Variants in TATDN1 observed in about 807,000 individuals in gnomAD.
The protein encoded by TATDN1 is deoxyribonuclease TATDN1.
TATDN1 carries 40 observed loss-of-function variants against 46.4 expected under a neutral mutation model. The observed-to-expected ratio is 0.86, with a 90% CI of 0.67 to 1.12. The LOEUF (loss-of-function observed/expected upper bound fraction) is 1.12. Ranked by LOEUF, TATDN1 falls within the 50% of genes most tolerant of loss-of-function variation. TATDN1 has a pLI of 0.00. For synonymous variants in TATDN1, 95 were observed against 105.6 expected, an observed-to-expected ratio of 0.90 and a Z score of 0.62; for missense variants, 326 against 348.4, an observed-to-expected ratio of 0.94 and a Z score of 0.51.
intron 1 of TATDN1, 178 bp downstream of exon 1, chr8:124,538,847 C>T (rs982621555): frequency 4.4e-6 from 3 of 678,420 alleles, no homozygotes; most frequent in African/African-American, 1.8e-5. Flanking sequence ...AATCCAGAAC[C>T]TAGATCAAGA....
Position 124,515,874 on chromosome 8 carries a change from G to C in TATDN1, c.346+13C>G. The C allele has an allele frequency of 6.2e-7, 1 of 1,613,938 alleles. No homozygotes were observed. The highest frequency in any genetic ancestry group is 8.5e-7 in the Non-Finnish European group (1 of 1,179,958). ...CAAACAATGTCACTCTAAGAGGCGA[G>C]GCTGGCACTCACCAAGTCCGCATTC... is the stretch of plus-strand genomic sequence containing the variant. On this transcript the variant is annotated intron_variant, in intron 5 of 11. Transcript: ENST00000276692.
At chr8:124,512,773 G>T (rs1390075451) in intron 6 of TATDN1, among the ~76,000 whole-genome samples, 1 of 152,052 alleles carries the variant, frequency 6.6e-6, no homozygotes, top group African/African-American at 2.4e-5. Context: ...TGTACAACAT[G>T]GTAAGTGCTG....
chr8:124,520,122 A>T (rs1819895633), intron 3 of TATDN1, among the ~76,000 whole-genome samples: 1 of 152,244 alleles, frequency 6.6e-6, no homozygotes, highest in South Asian at 2.1e-4. Context: ...GCCATAATTA[A>T]ATCCTTGACT....
At chr8:124,493,326 C>T (rs1452783784) in intron 11 of TATDN1, among the ~76,000 whole-genome samples, 1 of 152,146 alleles carries the variant, frequency 6.6e-6, no homozygotes, top group African/African-American at 2.4e-5. Flanking sequence ...AATGATATAA[C>T]CACCTTCTCC....
chr8:124,499,327 C>A (rs1448960391), intron 9 of TATDN1, among the ~76,000 whole-genome samples: 3 of 152,078 alleles, frequency 2.0e-5, no homozygotes, highest in Non-Finnish European at 4.4e-5. Context: ...ATATTTAGAA[C>A]TTTTCACTAA....
chr8:124,503,794 G>T (rs376959373), intron 9 of TATDN1: 5 of 640,280 alleles, frequency 7.8e-6, no homozygotes, highest in East Asian at 1.3e-4. Context: ...ATCACAGAGT[G>T]AGAAGCCAGA....
At chr8:124,521,187 G>C (rs1820016329) in intron 3 of TATDN1, among the ~76,000 whole-genome samples, 1 of 152,144 alleles carries the variant, frequency 6.6e-6, no homozygotes, top group Admixed American at 6.5e-5. Flanking sequence ...AAATGAAGTA[G>C]GGGCTGGATA....
At chr8:124,500,763 A>C (rs2131379223) in intron 9 of TATDN1, among the ~76,000 whole-genome samples, 1 of 152,090 alleles carries the variant, frequency 6.6e-6, no homozygotes, top group Admixed American at 6.5e-5. Flanking sequence ...TAAAAAAAAA[A>C]AAACAAAACC....
chr8:124,515,279 G>A (rs1272444707), intron 6 of TATDN1, among the ~76,000 whole-genome samples: 1 of 152,144 alleles, frequency 6.6e-6, no homozygotes, highest in East Asian at 1.9e-4. Context: ...TACTCGGGAG[G>A]CTGAGGCAGG....
At chr8:124,503,857 T>C (rs1049660303) in intron 9 of TATDN1, 6 of 1,261,110 alleles carry the variant, frequency 4.8e-6, no homozygotes, top group Non-Finnish European at 6.2e-6. Context: ...CTAATTTCTT[T>C]GAGCCTCGGT....
chr8:124,538,150 T>C (rs997459400), intron 1 of TATDN1, among the ~76,000 whole-genome samples: 4 of 152,162 alleles, frequency 2.6e-5, no homozygotes, highest in Admixed American at 6.5e-5. Flanking sequence ...TTAAGTACTT[T>C]TCCAAACCCT....
At chr8:124,530,984 C>G in intron 1 of TATDN1, among the ~76,000 whole-genome samples, 1 of 152,078 alleles carries the variant, frequency 6.6e-6, no homozygotes, top group Non-Finnish European at 1.5e-5. Context: ...GAGTCAATCT[C>G]TATAACTTAG....
At chr8:124,533,445 T>C (rs1297372146) in intron 1 of TATDN1, among the ~76,000 whole-genome samples, 3 of 151,878 alleles carry the variant, frequency 2.0e-5, no homozygotes, top group Non-Finnish European at 4.4e-5. Context: ...AGTAATTTTT[T>C]GGTAGCCTTG....
At chr8:124,526,956 AACAG>A (rs758298944) in intron 1 of TATDN1, 2 of 152,216 alleles carry the variant, frequency 1.3e-5, no homozygotes, top group South Asian at 4.1e-4. Context: ...CTATTTAGCA[AACAG>A]ACAAAGCCAG....
rs1819784560 is a variant in TATDN1 at position 124,518,868 on chromosome 8, C to A, written c.152G>T (p.Gly51Val). 3.1e-6 allele frequency: 5 copies of A among 1,608,762 alleles called. No individual in the cohort carries two copies. Among genetic ancestry groups the A allele is most frequent in the Non-Finnish European group, 4.3e-6 (5 of 1,176,154 alleles). ...EIGVKKFMIT[G>V]GNLQDSKDAL... is the part of the protein sequence containing the mutation. ...ATCTTTACTGTCTTGTAGATTTCCA[C>A]CTGTAATCATAAACTGAAATAGAAA... The change falls in exon 4 of 12, where the codon GGT (glycine) becomes GTT (valine). Residue 51 changes from glycine to valine, a missense_variant. By Grantham distance (109) the Gly-to-Val change is moderately radical. Transcript: ENST00000276692.
chr8:124,526,036 T>C (rs1260233509), intron 1 of TATDN1, among the ~76,000 whole-genome samples: 1 of 152,214 alleles, frequency 6.6e-6, no homozygotes, highest in Non-Finnish European at 1.5e-5. Context: ...AGCCGCTTGC[T>C]ATGTGGGCTC....
rs754075966 is a variant in TATDN1, at chr8:124,495,473, T to C, written c.663A>G (p.Thr221=). ...SIPSEKLMIE[T]DAPWCGVKST... ...ACAAAGTTCTGAAAACAAACTTACC[T>C]GTCTCAATCATTAATTTTTCACTAG... is the stretch of plus-strand genomic sequence containing the variant. The change falls in exon 10 of 12, where the codon ACA becomes ACG. Residue 221 remains threonine, a splice_region_variant and synonymous_variant. Transcript: ENST00000276692. The C allele has an allele frequency of 1.4e-5, 22 of 1,604,418 alleles. No individual in the cohort carries two copies. In the African/African-American group the frequency reaches 3.0e-4, roughly 22 times the overall value.
intron 8 of TATDN1, 54 bp downstream of exon 8, chr8:124,508,420 A>T (rs557075069): frequency 6.6e-7 from 1 of 1,516,430 alleles, no homozygotes; most frequent in East Asian, 2.3e-5. Context: ...AGTATTTTGG[A>T]TTTTTGGATT....
chr8:124,521,386 T>G (rs1820031302), intron 3 of TATDN1, among the ~76,000 whole-genome samples: 1 of 152,210 alleles, frequency 6.6e-6, no homozygotes, highest in Non-Finnish European at 1.5e-5. Context: ...GCCTAGTATT[T>G]CAGAGTCTGC....
Sources: gnomAD v4.1 joint callset for allele counts (sites outside exome capture counted in the v4.1 genomes callset) on GRCh38, gnomAD v4.1.1 for gene constraint, MANE v1.5 for transcripts, NCBI Gene and HGNC (gene_info 2026-07-23, HGNC 2026-07-21) for gene names.